SAMD3: variants seen among roughly 807,000 people sequenced by gnomAD.
SAMD3 encodes the protein sterile alpha motif domain-containing protein 3.
Under a neutral mutation model 58.5 loss-of-function variants are expected in SAMD3, and 63 were observed. That is an observed-to-expected ratio of 1.08 (90% CI 0.88 to 1.33). The LOEUF is 1.33. Ranked by LOEUF, SAMD3 falls within the 40% of genes most tolerant of loss-of-function variation. The probability of loss-of-function intolerance (pLI) is 0.00; values close to 1 mark genes in which losing one functional copy is unlikely to be tolerated. For synonymous variants in SAMD3, 220 were observed against 210.3 expected (o/e 1.05, Z -0.40); for missense variants, 604 against 608.4 (o/e 0.99, Z 0.08).
chr6:130,152,453 G>A (rs1336941752), intron 9 of SAMD3, among the ~76,000 whole-genome samples: 2 of 151,954 alleles, frequency 1.3e-5, no homozygotes, highest in East Asian at 3.9e-4. Context: ...GAGGCAGGTG[G>A]ATCACCTGAG....
intron 2 of SAMD3, among the ~76,000 whole-genome samples, chr6:130,287,516 G>A (rs9492526): frequency 0.48 from 73,408 of 152,050 alleles, 21,731 homozygotes; most frequent in African/African-American, 0.84. Flanking sequence ...TTGAAAACCT[G>A]TATTCTATTT....
chr6:130,313,123 C>T (rs774752436), intron 1 of SAMD3: 4 of 152,234 alleles, frequency 2.6e-5, no homozygotes, highest in South Asian at 4.1e-4. Flanking sequence ...CAAGACTCAC[C>T]GCCAAAGTTG....
chr6:130,245,050 T>C (rs965145070), intron 2 of SAMD3, among the ~76,000 whole-genome samples: 2 of 152,230 alleles, frequency 1.3e-5, no homozygotes, highest in Non-Finnish European at 2.9e-5. Context: ...GTGAACTCTG[T>C]AAAAGTCAAC....
chr6:130,172,691 G>C (rs944192856), intron 8 of SAMD3, among the ~76,000 whole-genome samples: 5 of 152,090 alleles, frequency 3.3e-5, no homozygotes, highest in African/African-American at 9.7e-5. Context: ...GTTTTGGGTT[G>C]CTCTTCTTGA....
At chr6:130,176,984 C>T (rs1791787032) in intron 7 of SAMD3, among the ~76,000 whole-genome samples, 2 of 152,112 alleles carry the variant, frequency 1.3e-5, no homozygotes, top group Non-Finnish European at 1.5e-5. Context: ...CAATGTAATC[C>T]TGAACCAGAT....
intron 2 of SAMD3, among the ~76,000 whole-genome samples, chr6:130,290,686 G>A (rs1027500024): frequency 6.6e-6 from 1 of 152,110 alleles, no homozygotes; most frequent in Non-Finnish European, 1.5e-5. Context: ...CATTCTTTCT[G>A]TGATTCAGTG....
chr6:130,214,190 C>A, intron 4 of SAMD3, 147 bp downstream of exon 4: 2 of 590,852 alleles, frequency 3.4e-6, no homozygotes, highest in Non-Finnish European at 5.4e-6. Context: ...TTACAGTGTC[C>A]TTTGCTCAAA....
At chr6:130,363,277 C>T (rs544079632) in intron 1 of SAMD3, among the ~76,000 whole-genome samples, 28 of 152,268 alleles carry the variant, frequency 1.8e-4, no homozygotes, top group South Asian at 1.2e-3. Context: ...TGAATATAAT[C>T]CCACACAAAT....
exon 1 of SAMD3, chr6:130,365,347 G>GCC (rs536867023): frequency 2.0e-6 from 2 of 985,164 alleles, no homozygotes; most frequent in African/African-American, 1.7e-5. Context: ...CATGGTTCTC[G>GCC]CCCCCCCAAG....
intron 9 of SAMD3, among the ~76,000 whole-genome samples, chr6:130,150,171 T>C (rs927531321): frequency 4.6e-5 from 7 of 152,164 alleles, no homozygotes; most frequent in Admixed American, 1.3e-4. Flanking sequence ...ATGGTGATGA[T>C]ACATGGAATT....
intron 7 of SAMD3, chr6:130,183,093 A>T: frequency 3.3e-6 from 1 of 305,392 alleles, no homozygotes; most frequent in Non-Finnish European, 6.4e-6. Flanking sequence ...TCCAGGAGAC[A>T]GGCAGGTTCA....
intron 7 of SAMD3, among the ~76,000 whole-genome samples, chr6:130,179,045 TG>T (rs1792017251): frequency 6.6e-6 from 1 of 152,192 alleles, no homozygotes; most frequent in African/African-American, 2.4e-5. Context: ...TTTTTCCATA[TG>T]TTTCCTGTAG....
At chr6:130,314,737 C>T (rs1776302154) in intron 1 of SAMD3, among the ~76,000 whole-genome samples, 1 of 152,112 alleles carries the variant, frequency 6.6e-6, no homozygotes, top group Non-Finnish European at 1.5e-5. Flanking sequence ...CTGAATCTCT[C>T]AGGAGTAAAA....
intron 2 of SAMD3, among the ~76,000 whole-genome samples, chr6:130,292,477 G>C (rs1775405028): frequency 1.3e-5 from 2 of 151,546 alleles, no homozygotes; most frequent in Admixed American, 6.6e-5. Context: ...AGTAGACACA[G>C]GGTTTCACCC....
intron 7 of SAMD3, among the ~76,000 whole-genome samples, chr6:130,182,064 C>CA (rs61173557): frequency 0.032 from 1,710 of 53,974 alleles, 38 homozygotes; most frequent in Admixed American, 0.083. Flanking sequence ...GACTCTGTCT[C>CA]AAAAAAAAAA....
chr6:130,232,689 G>A (rs1291754493), intron 2 of SAMD3, among the ~76,000 whole-genome samples: 2 of 151,990 alleles, frequency 1.3e-5, no homozygotes, highest in Admixed American at 6.5e-5. Context: ...CCTCATCTGC[G>A]AAAAGAAAGA....
Position 130,144,469 on chromosome 6 carries a change from G to A in SAMD3, c.*51C>T. ...ACCCTAAATCAAAACAATTTCTTAT[G>A]AAGCTTCAGTTTTCCCAGAGGTAAA... On this transcript the variant is annotated 3_prime_UTR_variant, in exon 12 of 12. Transcript: ENST00000439090. 1 of 1,554,426 alleles carries A rather than the reference G, an allele frequency of 6.4e-7. No homozygotes were observed. Among genetic ancestry groups the A allele is most frequent in the Non-Finnish European group, 8.7e-7 (1 of 1,147,578 alleles).
In SAMD3 at chr6:130,147,053, A is replaced by C. The variant is rs143065427; in HGVS notation, c.1024-872T>G. Among the ~76,000 whole-genome samples, 920 of 151,924 alleles carry C rather than the reference A, an allele frequency of 6.1e-3. 10 individuals are homozygous for C. Among genetic ancestry groups the C allele is most frequent in the African/African-American group, 0.02 (820 of 41,544 alleles). Reference sequence around the variant, plus strand: ...AAGCAAAACCAGTTTACTTTATGGAAGTCCCTTTCCTCAAACTACCCCATC... The same window carrying C: ...AAGCAAAACCAGTTTACTTTATGGACGTCCCTTTCCTCAAACTACCCCATC... On this transcript the variant is annotated intron_variant, in intron 9 of 11. Coordinates refer to ENST00000439090, the MANE Select transcript of SAMD3 (RefSeq NM_001017373.4).
At position 130,242,455 on chromosome 6, in the gene SAMD3, G is replaced by T. The variant is rs556354439; in HGVS notation, c.-187-19642C>A. 2.0e-5 allele frequency among the ~76,000 whole-genome samples: 3 copies of T among 152,350 alleles called. No homozygotes were observed. In the East Asian group the frequency reaches 5.8e-4, roughly 29 times the overall value. On this transcript the variant is annotated intron_variant, in intron 2 of 13. Coordinates refer to the SAMD3 transcript ENST00000368134. ...AGTTCTTGTTTTCTAGAACTGGACTGCAGGTAAGGGAAAACACGATCATGG... is the reference window on the plus strand; with the variant it reads ...AGTTCTTGTTTTCTAGAACTGGACTTCAGGTAAGGGAAAACACGATCATGG...
Sources: allele counts gnomAD v4.1 joint callset (sites outside exome capture counted in the v4.1 genomes callset), GRCh38; gene constraint gnomAD v4.1.1; transcripts MANE v1.5; gene names NCBI Gene and HGNC (gene_info 2026-07-23, HGNC 2026-07-21).